The following TNS1 variants were observed in gnomAD, a reference collection of about 807,000 sequenced individuals.
TNS1 encodes tensin 1, also known as tensin-1.
In TNS1, 62 loss-of-function variants were observed where a neutral mutation model predicts 168.6. That is an observed-to-expected ratio of 0.37 (90% CI 0.30 to 0.45). The LOEUF is 0.45. TNS1 is among the 20% of genes least tolerant of loss of function. The pLI is 1.00. For synonymous variants in TNS1, 934 were observed against 933.2 expected (o/e 1.00, Z -0.02); for missense variants, 2,240 against 2,339.4 (o/e 0.96, Z 0.88).
rs139983798 is a variant in TNS1, at chr2:217,951,475, A to G, written c.186+27290T>C. 2.8e-3 allele frequency among the ~76,000 whole-genome samples: 424 copies of G among 152,284 alleles called. 1 individual carries two copies. The highest frequency in any genetic ancestry group is 9.8e-3 in the African/African-American group (407 of 41,542). ...TTGGGTATTGACCTTTATGAATCCC[A>G]TTTTACAGAGGAGGAAACTGAAGTT... On this transcript the variant is annotated intron_variant, in intron 3 of 32. Coordinates refer to ENST00000682258, the MANE Select transcript of TNS1 (RefSeq NM_001387777.1).
intron 4 of TNS1, among the ~76,000 whole-genome samples, chr2:217,911,809 G>C (rs1029925011): frequency 6.6e-6 from 1 of 152,186 alleles, no homozygotes; most frequent in African/African-American, 2.4e-5. Flanking sequence ...CAGTTCCTCT[G>C]ATAACTGCCT....
intron 3 of TNS1, among the ~76,000 whole-genome samples, chr2:217,956,764 C>A (rs1212644453): frequency 6.6e-6 from 1 of 152,196 alleles, no homozygotes; most frequent in Non-Finnish European, 1.5e-5. Context: ...AACTGCGGCC[C>A]AGAGAAGGGC....
At chr2:217,952,485 CACA>C (rs2125981333) in intron 3 of TNS1, among the ~76,000 whole-genome samples, 1 of 152,294 alleles carries the variant, frequency 6.6e-6, no homozygotes, top group Admixed American at 6.5e-5. Flanking sequence ...CACACACACA[CACA>C]AAAGCCAGCA....
intron 11 of TNS1, among the ~76,000 whole-genome samples, chr2:217,891,578 C>T (rs917882652): frequency 6.6e-6 from 1 of 152,176 alleles, no homozygotes; most frequent in Admixed American, 6.5e-5. Context: ...TCCTGGCAGG[C>T]CCTCCACAGA....
chr2:217,920,774 G>T lies in TNS1; in HGVS notation c.187-538C>A, dbSNP rs184259516. On this transcript the variant is annotated intron_variant, in intron 3 of 32. Coordinates refer to ENST00000682258, the MANE Select transcript of TNS1 (RefSeq NM_001387777.1). ...ACTTTCCCGGAGCATGCATGAAATG[G>T]GTTGGTAAAAGGGACCCACCAGCCC... Among the ~76,000 whole-genome samples the T allele has an allele frequency of 1.3e-4, 20 of 151,454 alleles. No homozygotes were observed. In the East Asian group the frequency reaches 3.7e-3, roughly 28 times the overall value.
chr2:218,004,879 A>G (rs1275967747), upstream of TNS1, among the ~76,000 whole-genome samples: 2 of 152,238 alleles, frequency 1.3e-5, no homozygotes, highest in African/African-American at 4.8e-5. Flanking sequence ...GCCAACGCTG[A>G]AATGAACCAG....
At chr2:218,025,418 T>C (rs890485509) in intron 1 of TNS1, among the ~76,000 whole-genome samples, 13 of 151,860 alleles carry the variant, frequency 8.6e-5, no homozygotes, top group African/African-American at 3.1e-4. Flanking sequence ...CCAGCTAACT[T>C]TTTGTGTTTT....
At chr2:218,023,733 A>G (rs994064772) in intron 1 of TNS1, among the ~76,000 whole-genome samples, 2 of 152,174 alleles carry the variant, frequency 1.3e-5, no homozygotes, top group Non-Finnish European at 1.5e-5. Flanking sequence ...TCGGTGGCAG[A>G]GCCCAGACTT....
intron 3 of TNS1, among the ~76,000 whole-genome samples, chr2:217,963,232 G>A (rs571806871): frequency 1.3e-5 from 2 of 152,296 alleles, no homozygotes; most frequent in South Asian, 2.1e-4. Flanking sequence ...GAGGGCAGAG[G>A]AGGAAGAATG....
intron 19 of TNS1, among the ~76,000 whole-genome samples, chr2:217,836,557 G>A (rs987116090): frequency 6.6e-5 from 10 of 152,170 alleles, no homozygotes; most frequent in Admixed American, 3.9e-4. Context: ...AGGGAGGGGA[G>A]GTGGAGGGAA....
At chr2:217,962,921 A>G (rs1957534903) in intron 3 of TNS1, among the ~76,000 whole-genome samples, 1 of 152,210 alleles carries the variant, frequency 6.6e-6, no homozygotes. Flanking sequence ...GATTAACGTC[A>G]GATCAATGTG....
At chr2:217,892,818 G>T in intron 11 of TNS1, 130 bp downstream of exon 11, 2 of 1,058,816 alleles carry the variant, frequency 1.9e-6, no homozygotes, top group Non-Finnish European at 2.7e-6. Flanking sequence ...CCCTTCCCCC[G>T]TCCTCATCGC....
rs1294889416 is a variant in TNS1 at position 217,803,721 on chromosome 2, T to C, written c.*738A>G. 1.3e-5 allele frequency: 2 copies of C among 152,740 alleles called. No individual in the cohort carries two copies. The highest frequency in any genetic ancestry group is 4.8e-5 in the African/African-American group (2 of 41,464). 9.5% of individuals were successfully genotyped at this position (152,740 alleles called of 1,614,324 possible). On this transcript the variant is annotated 3_prime_UTR_variant, in exon 33 of 33. Transcript: ENST00000682258. ...CTCTGTCACCCATAGCTTGGTTGTT[T>C]GTCCCTCCCCTGCTGCACTGCCACC...
At chr2:217,972,102 C>T (rs550686019) in intron 3 of TNS1, among the ~76,000 whole-genome samples, 67 of 152,296 alleles carry the variant, frequency 4.4e-4, no homozygotes, top group Non-Finnish European at 7.2e-4. Flanking sequence ...GAGTTTTGAG[C>T]TTAGCATTTT....
At chr2:218,031,121 CAT>C (rs1486348039) in intron 1 of TNS1, among the ~76,000 whole-genome samples, 1 of 91,780 alleles carries the variant, frequency 1.1e-5, no homozygotes, top group East Asian at 4.3e-4. Context: ...TGTGTGTGAG[CAT>C]GTCTGTGTGT....
At chr2:217,988,436 T>G (rs763401029) in intron 2 of TNS1, among the ~76,000 whole-genome samples, 1 of 152,100 alleles carries the variant, frequency 6.6e-6, no homozygotes, top group South Asian at 2.1e-4. Context: ...ACAGTGAATG[T>G]TGGCAGGACT....
chr2:217,958,650 C>A (rs938640824), intron 3 of TNS1, among the ~76,000 whole-genome samples: 4 of 152,354 alleles, frequency 2.6e-5, no homozygotes, highest in East Asian at 1.9e-4. Context: ...GGAGAAGCGA[C>A]CTTCTCAACG....
At chr2:218,016,344 G>A (rs565668554) in intron 1 of TNS1, among the ~76,000 whole-genome samples, 1 of 152,300 alleles carries the variant, frequency 6.6e-6, no homozygotes, top group Admixed American at 6.5e-5. Flanking sequence ...CCAGGAGGGA[G>A]AGATAGGAAC....
intron 4 of TNS1, among the ~76,000 whole-genome samples, chr2:217,911,957 T>A (rs1028300511): frequency 2.0e-5 from 3 of 152,210 alleles, no homozygotes; most frequent in Non-Finnish European, 2.9e-5. Flanking sequence ...AAGACTGAGA[T>A]CAGACAACAG....
Sources: allele counts gnomAD v4.1 joint callset (sites outside exome capture counted in the v4.1 genomes callset), GRCh38; gene constraint gnomAD v4.1.1; transcripts MANE v1.5; gene names NCBI Gene and HGNC (gene_info 2026-07-23, HGNC 2026-07-21).